The following PCDHGA4 variants were observed in gnomAD, a reference collection of about 807,000 sequenced individuals.
The protein encoded by PCDHGA4 is protocadherin gamma subfamily A, 4, also known as protocadherin gamma-A4.
PCDHGA4 carries 38 observed loss-of-function variants against 54.6 expected under a neutral mutation model. The ratio of observed to expected loss-of-function variants is 0.70; its 90% CI spans 0.54 to 0.91. The LOEUF is 0.91. Ranked by LOEUF, PCDHGA4 falls within the 40% of genes least tolerant of loss-of-function variation. The pLI is 0.00. For missense variants in PCDHGA4, 1,298 were observed against 1,220.9 expected, an observed-to-expected ratio of 1.06 and a Z score of -0.94; for synonymous variants, 511 against 512.9, an observed-to-expected ratio of 1.00 and a Z score of 0.05.
chr5:141,435,614 C>A, intron 1 of PCDHGA4, among the ~76,000 whole-genome samples: 1 of 152,056 alleles, frequency 6.6e-6, no homozygotes, highest in East Asian at 1.9e-4. Flanking sequence ...ACATTAAATT[C>A]CCCATAACTT....
intron 1 of PCDHGA4, chr5:141,414,410 G>A (rs1216701146): frequency 1.2e-6 from 2 of 1,613,856 alleles, no homozygotes; most frequent in Non-Finnish European, 1.7e-6. Context: ...GTGATACACA[G>A]AGCCCTTGAC....
intron 1 of PCDHGA4, among the ~76,000 whole-genome samples, chr5:141,484,819 G>A (rs2099601374): frequency 1.3e-5 from 2 of 152,122 alleles, no homozygotes; most frequent in Admixed American, 1.3e-4. Flanking sequence ...GCCGTTGAGC[G>A]GGAGGAAGGC....
chr5:141,376,241 C>T (rs755837851), intron 1 of PCDHGA4: 1 of 1,614,118 alleles, frequency 6.2e-7, no homozygotes, highest in East Asian at 2.2e-5. Flanking sequence ...GCAGCGCTGG[C>T]ACAAGTCACG....
At chr5:141,396,645 A>G (rs1224275677) in intron 1 of PCDHGA4, 1 of 152,172 alleles carries the variant, frequency 6.6e-6, no homozygotes, top group Non-Finnish European at 1.5e-5. Context: ...TAATATTAAT[A>G]GTAAAAACTC....
Position 141,371,494 on chromosome 5 carries a change from C to A in PCDHGA4, c.2514+13873C>A, listed in dbSNP as rs535024997. ...GATGCTGAGCTGGGGACTGCCGTTG[C>A]CCTGATCAAAACACATGATCTAGAT... On this transcript the variant is annotated intron_variant, in intron 1 of 3. Transcript: ENST00000571252. 20 of 1,613,888 alleles carry A rather than the reference C, an allele frequency of 1.2e-5. No individual in the cohort carries two copies. In the South Asian group the frequency reaches 1.9e-4, roughly 15 times the overall value.
chr5:141,384,601 C>G lies in PCDHGA4; in HGVS notation c.2514+26980C>G, dbSNP rs1780261198. On this transcript the variant is annotated intron_variant, in intron 1 of 3. Coordinates refer to ENST00000571252, the MANE Select transcript of PCDHGA4 (RefSeq NM_018917.4). The stretch of plus-strand genomic sequence containing the variant: ...GCCCGAGATCCTGTACCCGGCCCTC[C>G]CCACAGATGGTTCTACTGGCATGGA... The G allele has an allele frequency of 2.5e-6, 4 of 1,614,240 alleles. No homozygotes were observed. The East Asian group carries it at 8.9e-5, about 36-fold the overall frequency.
intron 1 of PCDHGA4, chr5:141,365,863 C>T (rs2149883393): frequency 8.1e-6 from 13 of 1,614,038 alleles, no homozygotes; most frequent in South Asian, 1.1e-5. Context: ...ACTCTGACAC[C>T]GGTGTCCTGT....
At chr5:141,474,997 A>C (rs2154572220) in intron 1 of PCDHGA4, among the ~76,000 whole-genome samples, 1 of 152,376 alleles carries the variant, frequency 6.6e-6, no homozygotes, top group African/African-American at 2.4e-5. Flanking sequence ...ACAATTCTAA[A>C]TGCAGAAAAG....
chr5:141,491,353 T>A lies in PCDHGA4; in HGVS notation c.2515-3454T>A. On this transcript the variant is annotated intron_variant, in intron 1 of 3. Coordinates refer to ENST00000571252, the MANE Select transcript of PCDHGA4 (RefSeq NM_018917.4). This position sits in a 1 kb window ranked among gnomAD's most constrained non-coding sequence, Gnocchi z 6.9. ...GGCTCTAGCGACCGTCAGTCTCTTATCCCTAGTCACCTTCACCTTTCTGTC... is the reference window on the plus strand; with the variant it reads ...GGCTCTAGCGACCGTCAGTCTCTTAACCCTAGTCACCTTCACCTTTCTGTC... The A allele has an allele frequency of 6.2e-7, 1 of 1,614,160 alleles. No homozygotes were observed. Among genetic ancestry groups the A allele is most frequent in the South Asian group, 1.1e-5 (1 of 91,080 alleles).
intron 1 of PCDHGA4, among the ~76,000 whole-genome samples, chr5:141,472,991 AAAAAAAGAAAGAAAAAG>A (rs2099310051): frequency 6.6e-6 from 1 of 151,894 alleles, no homozygotes; most frequent in Admixed American, 6.6e-5. Flanking sequence ...AAAAAAAAAA[AAAAAAAGAAAGAAAAAG>A]AAAAAGAAAG....
intron 1 of PCDHGA4, chr5:141,367,404 G>C (rs919849034): frequency 1.3e-5 from 2 of 152,244 alleles, no homozygotes; most frequent in African/African-American, 4.8e-5. Flanking sequence ...GGGCGTGGTG[G>C]CAGGCGCCTG....
intron 1 of PCDHGA4, chr5:141,376,053 C>A (rs1453617614): frequency 6.2e-7 from 1 of 1,613,372 alleles, no homozygotes; most frequent in African/African-American, 1.3e-5. Flanking sequence ...CTCTCCGCCA[C>A]TGTCACGCTC....
At chr5:141,423,841 T>A (rs1413277726) in intron 1 of PCDHGA4, 15 of 1,282,014 alleles carry the variant, frequency 1.2e-5, no homozygotes, top group Non-Finnish European at 1.4e-5. Context: ...ATTACGATAA[T>A]CTTTCAGAAC....
At chr5:141,407,179 C>T (rs566759065) in intron 1 of PCDHGA4, among the ~76,000 whole-genome samples, 2 of 152,256 alleles carry the variant, frequency 1.3e-5, no homozygotes, top group South Asian at 2.1e-4. Context: ...GACATACAGA[C>T]ATTTTAATTA....
intron 1 of PCDHGA4, among the ~76,000 whole-genome samples, chr5:141,368,579 A>G (rs28694549): frequency 0.14 from 21,947 of 152,060 alleles, 2,144 homozygotes; most frequent in African/African-American, 0.28. Flanking sequence ...TCTTAGGGTA[A>G]GGTGTTTGGG....
intron 1 of PCDHGA4, chr5:141,377,844 A>G (rs911815564): frequency 2.0e-5 from 3 of 152,180 alleles, no homozygotes; most frequent in South Asian, 2.1e-4. Context: ...TTATCTTCCA[A>G]TTAAAATTAA....
At chr5:141,378,089 T>C (rs1272599640) in intron 1 of PCDHGA4, 1 of 152,254 alleles carries the variant, frequency 6.6e-6, no homozygotes, top group East Asian at 1.9e-4. Flanking sequence ...TATAACTTTT[T>C]TTCAAACTCT....
At chr5:141,366,954 C>A in intron 1 of PCDHGA4, 1 of 692,400 alleles carries the variant, frequency 1.4e-6, no homozygotes. Flanking sequence ...TATCTGTAGA[C>A]TTAAGTGAAA....
intron 1 of PCDHGA4, chr5:141,375,291 G>C: frequency 4.3e-6 from 7 of 1,613,756 alleles, no homozygotes; most frequent in Non-Finnish European, 5.9e-6. Context: ...AATTATTATC[G>C]ATTAGTGACA....
Sources: allele counts gnomAD v4.1 joint callset (sites outside exome capture counted in the v4.1 genomes callset), GRCh38; gene constraint gnomAD v4.1.1; non-coding constraint Gnocchi (gnomAD v3.1); transcripts MANE v1.5; gene names NCBI Gene and HGNC (gene_info 2026-07-23, HGNC 2026-07-21).